Variants in DNMT1 observed in about 807,000 individuals in gnomAD.
The protein encoded by DNMT1 is DNA (cytosine-5)-methyltransferase 1.
Under a neutral mutation model 205.3 loss-of-function variants are expected in DNMT1, and 24 were observed. The ratio of observed to expected loss-of-function variants is 0.12; its 90% CI spans 0.08 to 0.16. DNMT1 has a LOEUF of 0.16. DNMT1 is among the 10% of genes least tolerant of loss of function. The probability of loss-of-function intolerance (pLI) is 1.00; values close to 1 mark genes in which losing one functional copy is unlikely to be tolerated. For missense variants in DNMT1, 1,293 were observed against 2,177.7 expected (o/e 0.59, Z 8.09); for synonymous variants, 817 against 839.8 (o/e 0.97, Z 0.47).
chr19:10,189,521 G>C (rs1219886651), intron 1 of DNMT1, among the ~76,000 whole-genome samples: 1 of 151,540 alleles, frequency 6.6e-6, no homozygotes, highest in Non-Finnish European at 1.5e-5. Flanking sequence ...ATGGGTTCAA[G>C]TGATCCTCCC....
chr19:10,143,439 G>A lies in DNMT1; in HGVS notation c.3116+327C>T, dbSNP rs28501615. Among the ~76,000 whole-genome samples the A allele has an allele frequency of 0.016, 2,286 of 145,404 alleles. 70 individuals are homozygous for A. The highest frequency in any genetic ancestry group is 0.056 in the African/African-American group (2,184 of 38,858). On this transcript the variant is annotated intron_variant, in intron 29 of 40. Coordinates refer to ENST00000359526, the MANE Select transcript of DNMT1 (RefSeq NM_001130823.3). ...GGGTCTCACTACGTTTCCTCAAGCT[G>A]GTCTTGAACTCCTAGACTCAAGTGA...
In DNMT1 at chr19:10,133,705, A is replaced by G. The variant is rs1157160331; in HGVS notation, c.4865-4T>C. The G allele has an allele frequency of 6.3e-7, 1 of 1,588,956 alleles. No individual in the cohort carries two copies. The highest frequency in any genetic ancestry group is 2.3e-5 in the East Asian group (1 of 43,762). On this transcript the variant is annotated splice_region_variant and splice_polypyrimidine_tract_variant and intron_variant, in intron 40 of 40. Coordinates refer to ENST00000359526, the MANE Select transcript of DNMT1 (RefSeq NM_001130823.3). The surrounding 1 kb of genome is among the most constrained non-coding windows in gnomAD (Gnocchi z 4.1). ...GCTTCCTCCTCCTTTATTTTAGCTG[A>G]AGGGAAATAAAAGGAAAAGTCACTC... is the stretch of plus-strand genomic sequence containing the variant.
At position 10,182,647 on chromosome 19, in the gene DNMT1, T is replaced by C. The variant is rs183488174; in HGVS notation, c.81-570A>G. Among the ~76,000 whole-genome samples the C allele has an allele frequency of 6.0e-3, 904 of 151,440 alleles. 8 individuals are homozygous for C. Among genetic ancestry groups the C allele is most frequent in the African/African-American group, 0.021 (864 of 41,308 alleles). ...ATATATATACACACACATATATACATACATACATATACATTATACAGATAG... is the reference window on the plus strand; with the variant it reads ...ATATATATACACACACATATATACACACATACATATACATTATACAGATAG... On this transcript the variant is annotated intron_variant, in intron 1 of 40. Transcript: ENST00000359526.
Position 10,159,535 on chromosome 19 carries a change from T to C in DNMT1, c.1280+123A>G, listed in dbSNP as rs1363805887. On this transcript the variant is annotated intron_variant, in intron 17 of 40. Transcript: ENST00000359526. This position sits in a 1 kb window ranked among gnomAD's most constrained non-coding sequence, Gnocchi z 5.0. ...TCCACGGTGGCTCTTATCCACGAAG[T>C]GTTAGCTTAAGACATGTTGCAGGTC... The C allele has an allele frequency of 3.0e-6, 3 of 1,012,742 alleles. No individual in the cohort carries two copies. The highest frequency in any genetic ancestry group is 4.5e-6 in the Non-Finnish European group (3 of 665,354). The allele number at this position is 1,012,742 out of a possible 1,614,324, so 62.7% of individuals were successfully genotyped here. A position where few individuals can be genotyped will look rare whatever the true frequency, so the allele number is the denominator to read the frequency against.
rs2038351025 is a variant in DNMT1, at chr19:10,151,922, G to A, written c.2020-75C>T. On this transcript the variant is annotated intron_variant, in intron 22 of 40. Coordinates refer to ENST00000359526, the MANE Select transcript of DNMT1 (RefSeq NM_001130823.3). This position sits in a 1 kb window ranked among gnomAD's most constrained non-coding sequence, Gnocchi z 5.0. ...TGCCTGTAATCCCAGTATTTCAGAAGGCCGAGGCAGGCAGATCACTTAAGG... is the reference window on the plus strand; with the variant it reads ...TGCCTGTAATCCCAGTATTTCAGAAAGCCGAGGCAGGCAGATCACTTAAGG... The A allele has an allele frequency of 1.4e-6, 2 of 1,407,320 alleles. No individual in the cohort carries two copies. The highest frequency in any genetic ancestry group is 2.0e-6 in the Non-Finnish European group (2 of 995,470). 87.2% of individuals were successfully genotyped at this position (1,407,320 alleles called of 1,614,324 possible).
At position 10,148,928 on chromosome 19, in the gene DNMT1, G is replaced by A. The variant is rs139861062; in HGVS notation, c.2676C>T (p.Phe892=). 1.9e-4 allele frequency: 310 copies of A among 1,614,176 alleles called. No individual in the cohort carries two copies. In the African/African-American group the frequency reaches 3.3e-3, roughly 17 times the overall value. Residue 892 remains phenylalanine, a synonymous_variant, in exon 27 of 41, where the codon TTC becomes TTT. Transcript: ENST00000359526. The part of the protein sequence containing the change: ...QLWYDQDYAR[F]ESPPKTQPTE... ...TTGGCTGGGTTTTTGGAGGGGACTC[G>A]AATCTCGCGTAGTCTTGATCATACC...
chr19:10,156,042 G>A lies in DNMT1; in HGVS notation c.1400-97C>T, dbSNP rs1355619591. ...CACTCAGCAGACATCCCATCAGCCAGGTCGGGTGCTCCTCAGTCATCACAA... is the reference window on the plus strand; with the variant it reads ...CACTCAGCAGACATCCCATCAGCCAAGTCGGGTGCTCCTCAGTCATCACAA... On this transcript the variant is annotated intron_variant, in intron 18 of 40. Transcript: ENST00000359526. This position sits in a 1 kb window ranked among gnomAD's most constrained non-coding sequence, Gnocchi z 4.2. 3 of 1,275,888 alleles carry A rather than the reference G, an allele frequency of 2.4e-6. No homozygotes were observed. Among genetic ancestry groups the A allele is most frequent in the African/African-American group, 3.0e-5 (2 of 67,702 alleles). The allele number at this position is 1,275,888 out of a possible 1,614,324, so 79.0% of individuals were successfully genotyped here. A position where few individuals can be genotyped will look rare whatever the true frequency, so the allele number is the denominator to read the frequency against.
chr19:10,164,863 G>A (rs2038650988), intron 11 of DNMT1, among the ~76,000 whole-genome samples: 1 of 133,530 alleles, frequency 7.5e-6, no homozygotes, highest in South Asian at 2.5e-4. Flanking sequence ...GGGAGGTGGA[G>A]GTTGCAGTGA....
chr19:10,193,993 C>T (rs2039352957), intron 1 of DNMT1, among the ~76,000 whole-genome samples: 1 of 152,104 alleles, frequency 6.6e-6, no homozygotes, highest in East Asian at 1.9e-4. Context: ...CCAGGGCCTC[C>T]AACATTAGAC....
chr19:10,135,908 C>A, intron 38 of DNMT1, 56 bp from the exon 39 acceptor site: 1 of 1,527,730 alleles, frequency 6.5e-7, no homozygotes, highest in Non-Finnish European at 8.8e-7. Context: ...GGGTCACCGT[C>A]GGGGACAGGG....
At chr19:10,150,893 A>G (rs1160253327) in intron 24 of DNMT1, among the ~76,000 whole-genome samples, 1 of 152,106 alleles carries the variant, frequency 6.6e-6, no homozygotes, top group Non-Finnish European at 1.5e-5. Flanking sequence ...GGAGTTCGAG[A>G]ATGGCCTGGG....
chr19:10,181,277 A>G (rs1037573945), intron 2 of DNMT1, among the ~76,000 whole-genome samples: 6 of 152,006 alleles, frequency 3.9e-5, no homozygotes, highest in Admixed American at 3.3e-4. Context: ...ACAAAATCCC[A>G]TCTTTACAAA....
At chr19:10,139,078 G>A (rs1431834836) in intron 34 of DNMT1, among the ~76,000 whole-genome samples, 2 of 152,220 alleles carry the variant, frequency 1.3e-5, no homozygotes, top group African/African-American at 4.8e-5. Flanking sequence ...GCTAGCATCT[G>A]GATAGCTGTT....
At chr19:10,176,167 C>CAAAA (rs34858632) in intron 6 of DNMT1, among the ~76,000 whole-genome samples, 1 of 134,590 alleles carries the variant, frequency 7.4e-6, no homozygotes, top group Non-Finnish European at 1.6e-5. Context: ...GACTCCGTAT[C>CAAAA]AAAAAAAAAA....
At chr19:10,139,242 G>A (rs764223585) in intron 34 of DNMT1, among the ~76,000 whole-genome samples, 1 of 152,200 alleles carries the variant, frequency 6.6e-6, no homozygotes, top group African/African-American at 2.4e-5. Flanking sequence ...GGGGGTTTGT[G>A]TGCGCAGTTA....
chr19:10,155,669 C>T (rs1193779982), intron 19 of DNMT1, among the ~76,000 whole-genome samples, 184 bp downstream of exon 19: 1 of 152,038 alleles, frequency 6.6e-6, no homozygotes, highest in Non-Finnish European at 1.5e-5. Context: ...ACTGGAGAGT[C>T]AGTTCCAGAG....
chr19:10,151,777 C>T lies in DNMT1; in HGVS notation c.2090G>A (p.Arg697Gln), dbSNP rs2038348204. The T allele has an allele frequency of 1.2e-6, 2 of 1,614,172 alleles. No individual in the cohort carries two copies. Among genetic ancestry groups the T allele is most frequent in the Non-Finnish European group, 1.7e-6 (2 of 1,180,034 alleles). ...CCGCTCTTGGCAAGCCTGCTTGCTCCGTCCACTGCCACCAAATTTAACCAT... is the reference window on the plus strand; with the variant it reads ...CCGCTCTTGGCAAGCCTGCTTGCTCTGTCCACTGCCACCAAATTTAACCAT... Reference protein sequence around the residue: ...KDMVKFGGSGRSKQACQERRC... With the variant: ...KDMVKFGGSGQSKQACQERRC... The change falls in exon 23 of 41, where the codon CGG becomes CAG. Residue 697 changes from arginine (R) to glutamine (Q), a missense_variant. Transcript: ENST00000359526. The surrounding 1 kb of genome is among the most constrained non-coding windows in gnomAD (Gnocchi z 5.0).
At chr19:10,135,353 G>A (rs8101626) in intron 39 of DNMT1, 185,688 of 296,412 alleles carry the variant, frequency 0.63, 59,688 homozygotes, top group East Asian at 0.76. Flanking sequence ...ACACTTAACT[G>A]AGACTAACTC....
At chr19:10,193,349 C>G (rs2039337343) in intron 1 of DNMT1, among the ~76,000 whole-genome samples, 1 of 152,000 alleles carries the variant, frequency 6.6e-6, no homozygotes, top group African/African-American at 2.4e-5. Context: ...TGAGACCCAT[C>G]TCTAAAAATA....
Sources: allele counts gnomAD v4.1 joint callset (sites outside exome capture counted in the v4.1 genomes callset), GRCh38; gene constraint gnomAD v4.1.1; non-coding constraint Gnocchi (gnomAD v3.1); transcripts MANE v1.5; gene names NCBI Gene and HGNC (gene_info 2026-07-23, HGNC 2026-07-21).